DNAH11: variants seen among roughly 807,000 people sequenced by gnomAD.
The protein encoded by DNAH11 is dynein axonemal heavy chain 11.
In DNAH11, 442 loss-of-function variants were observed where a neutral mutation model predicts 526.0. That is an observed-to-expected ratio of 0.84 (90% CI 0.78 to 0.91). DNAH11 has a LOEUF of 0.91. DNAH11 is among the 40% of genes least tolerant of loss of function. The probability of loss-of-function intolerance (pLI) is 0.00; values close to 1 mark genes in which losing one functional copy is unlikely to be tolerated. For missense variants in DNAH11, 6,989 were observed against 5,448.7 expected, an observed-to-expected ratio of 1.28 and a Z score of -8.90; for synonymous variants, 2,461 against 1,935.9, an observed-to-expected ratio of 1.27 and a Z score of -7.12.
intron 35 of DNAH11, among the ~76,000 whole-genome samples, chr7:21,694,233 C>A (rs1783750394): frequency 6.6e-6 from 1 of 152,054 alleles, no homozygotes; most frequent in Admixed American, 6.5e-5. Flanking sequence ...GCAGAATGTG[C>A]AGGTTTGTTA....
intron 30 of DNAH11, among the ~76,000 whole-genome samples, chr7:21,672,734 C>T (rs1348819367): frequency 6.6e-6 from 1 of 152,078 alleles, no homozygotes; most frequent in East Asian, 1.9e-4. Context: ...TCTTTGTTGC[C>T]TTATTTAAAC....
intron 61 of DNAH11, among the ~76,000 whole-genome samples, chr7:21,793,056 A>G (rs78837829): frequency 0.016 from 2,471 of 152,260 alleles, 68 homozygotes; most frequent in African/African-American, 0.056. Context: ...TGTATTCCAT[A>G]GACCGAATAT....
intron 65 of DNAH11, among the ~76,000 whole-genome samples, chr7:21,824,579 A>G (rs1790195726): frequency 6.6e-6 from 1 of 152,234 alleles, no homozygotes; most frequent in African/African-American, 2.4e-5. Context: ...CCAAAGAACT[A>G]CAAATAGTCA....
intron 80 of DNAH11, 92 bp from the exon 81 acceptor site, chr7:21,899,888 T>C (rs1408488126): frequency 6.7e-7 from 1 of 1,484,002 alleles, no homozygotes; most frequent in African/African-American, 1.4e-5. Flanking sequence ...AAACACCCTA[T>C]GGGACTAAAG....
chr7:21,571,482 G>C (rs1287009270), intron 7 of DNAH11, among the ~76,000 whole-genome samples: 1 of 151,988 alleles, frequency 6.6e-6, no homozygotes, highest in African/African-American at 2.4e-5. Context: ...ATCTTTCCTT[G>C]TTGCCCAGGT....
At chr7:21,900,158 T>A (rs1562612848) in intron 81 of DNAH11, 38 bp downstream of exon 81, 1 of 1,580,330 alleles carries the variant, frequency 6.3e-7, no homozygotes, top group Non-Finnish European at 8.6e-7. Context: ...AACCTTTTCT[T>A]ACTCAGGTTC....
At chr7:21,862,306 C>G (rs1386244062) in intron 69 of DNAH11, among the ~76,000 whole-genome samples, 1 of 151,914 alleles carries the variant, frequency 6.6e-6, no homozygotes, top group South Asian at 2.1e-4. Flanking sequence ...ATAAGACATT[C>G]TTCTCACCTT....
intron 31 of DNAH11, among the ~76,000 whole-genome samples, chr7:21,682,229 A>G (rs767957690): frequency 2.0e-5 from 3 of 152,174 alleles, no homozygotes; most frequent in Non-Finnish European, 2.9e-5. Context: ...TTTCTTTTAT[A>G]TATCTTTAAA....
At chr7:21,868,758 GA>G in intron 72 of DNAH11, 105 bp from the exon 73 acceptor site, 1 of 1,418,548 alleles carries the variant, frequency 7.0e-7, no homozygotes, top group South Asian at 1.4e-5. Context: ...AAGTCACTCA[GA>G]AGATGGCTGC....
intron 66 of DNAH11, among the ~76,000 whole-genome samples, chr7:21,843,390 A>G (rs1053407743): frequency 1.3e-5 from 2 of 152,160 alleles, no homozygotes; most frequent in African/African-American, 4.8e-5. Context: ...CTAGTGAAGA[A>G]TAAAAGATAA....
chr7:21,710,459 A>AAATC (rs776351512), intron 40 of DNAH11, 94 bp from the exon 41 acceptor site: 385 of 1,179,114 alleles, frequency 3.3e-4, no homozygotes, highest in Non-Finnish European at 4.4e-4. Flanking sequence ...AGAGGCAGCA[A>AAATC]AATCGTTTTT....
intron 9 of DNAH11, among the ~76,000 whole-genome samples, chr7:21,582,296 A>G (rs560113960): frequency 2.4e-4 from 36 of 152,346 alleles, no homozygotes; most frequent in African/African-American, 8.4e-4. Context: ...GGCCTGGCCA[A>G]TGAAATATTG....
At chr7:21,746,947 T>A (rs964225844) in intron 51 of DNAH11, among the ~76,000 whole-genome samples, 1 of 151,924 alleles carries the variant, frequency 6.6e-6, no homozygotes, top group African/African-American at 2.4e-5. Context: ...AGGAAAAGAG[T>A]TTTCCCATAT....
chr7:21,626,896 G>A (rs1199419184), intron 25 of DNAH11, among the ~76,000 whole-genome samples: 14 of 151,466 alleles, frequency 9.2e-5, no homozygotes, highest in South Asian at 2.1e-4. Flanking sequence ...GACTACAGGC[G>A]CCCGCCACCA....
intron 22 of DNAH11, among the ~76,000 whole-genome samples, chr7:21,617,228 G>A (rs377592162): frequency 3.9e-5 from 6 of 152,256 alleles, no homozygotes; most frequent in African/African-American, 1.4e-4. Flanking sequence ...ACATTCCAAG[G>A]CTGTTGTTTA....
At chr7:21,832,890 C>T (rs1179100430) in intron 65 of DNAH11, among the ~76,000 whole-genome samples, 1 of 152,176 alleles carries the variant, frequency 6.6e-6, no homozygotes, top group Non-Finnish European at 1.5e-5. Context: ...TTGTCAACCC[C>T]TGCTCTAGAA....
intron 57 of DNAH11, among the ~76,000 whole-genome samples, chr7:21,782,298 C>T (rs1014258142): frequency 6.6e-6 from 1 of 152,196 alleles, no homozygotes; most frequent in Non-Finnish European, 1.5e-5. Flanking sequence ...TCTCTAGGCA[C>T]TCCCTGCAAC....
chr7:21,792,615 A>G (rs1788524143), intron 61 of DNAH11, among the ~76,000 whole-genome samples: 1 of 152,076 alleles, frequency 6.6e-6, no homozygotes, highest in Non-Finnish European at 1.5e-5. Flanking sequence ...TCATGGTTCA[A>G]TCTTGGTAGA....
intron 20 of DNAH11, among the ~76,000 whole-genome samples, chr7:21,612,625 C>G (rs1785579165): frequency 6.7e-6 from 1 of 149,484 alleles, no homozygotes; most frequent in African/African-American, 2.5e-5. Context: ...AAGAAGCTTT[C>G]AAGAAACGGA....
Sources: allele counts gnomAD v4.1 joint callset (sites outside exome capture counted in the v4.1 genomes callset), GRCh38; gene constraint gnomAD v4.1.1; transcripts MANE v1.5; gene names NCBI Gene and HGNC (gene_info 2026-07-23, HGNC 2026-07-21).